The following INPP4B variants were observed in gnomAD, a reference collection of about 807,000 sequenced individuals.
INPP4B encodes the protein inositol polyphosphate-4-phosphatase type II B, also known as inositol polyphosphate 4-phosphatase type II.
Under a neutral mutation model 122.5 loss-of-function variants are expected in INPP4B, and 55 were observed. That is an observed-to-expected ratio of 0.45 (90% confidence interval 0.36 to 0.56). INPP4B has a LOEUF of 0.56. INPP4B is among the 20% of genes least tolerant of loss of function. The pLI is 0.00. For synonymous variants in INPP4B, 403 were observed against 388.7 expected (o/e 1.04, Z -0.43); for missense variants, 1,000 against 1,097.7 (o/e 0.91, Z 1.26).
chr4:142,216,255 A>T (rs1847211883), intron 12 of INPP4B, among the ~76,000 whole-genome samples: 1 of 152,162 alleles, frequency 6.6e-6, no homozygotes, highest in Non-Finnish European at 1.5e-5. Flanking sequence ...CAAATCTTCT[A>T]ACCTGTCTCT....
chr4:142,088,268 C>A (rs1161520287), intron 23 of INPP4B, among the ~76,000 whole-genome samples: 4 of 152,136 alleles, frequency 2.6e-5, no homozygotes, highest in Admixed American at 6.6e-5. Flanking sequence ...AATAAGGTTG[C>A]TTTTTAATTT....
At chr4:142,313,412 GA>G (rs1290059523) in intron 8 of INPP4B, among the ~76,000 whole-genome samples, 1 of 152,202 alleles carries the variant, frequency 6.6e-6, no homozygotes. Context: ...CACATTTTAT[GA>G]AGCAGTGCCA....
chr4:142,497,381 A>G lies in INPP4B; in HGVS notation c.-190-34655T>C, dbSNP rs531475499. 2.6e-5 allele frequency among the ~76,000 whole-genome samples: 4 copies of G among 152,312 alleles called. No homozygotes were observed. The East Asian group carries it at 7.7e-4, about 29-fold the overall frequency. On this transcript the variant is annotated intron_variant, in intron 2 of 25. Coordinates refer to ENST00000262992, the MANE Select transcript of INPP4B (RefSeq NM_001101669.3). ...CCAATTTTTAGTCTAATATGTTCCC[A>G]TAACCAAATCATTTTCCCAAAAAAG...
At chr4:142,362,879 T>C (rs1424684751) in intron 7 of INPP4B, among the ~76,000 whole-genome samples, 1 of 151,980 alleles carries the variant, frequency 6.6e-6, no homozygotes, top group Non-Finnish European at 1.5e-5. Context: ...AAACTTCCTA[T>C]TGGTTAGTAC....
At chr4:142,657,669 T>C (rs1754405041) in intron 2 of INPP4B, among the ~76,000 whole-genome samples, 1 of 152,220 alleles carries the variant, frequency 6.6e-6, no homozygotes, top group African/African-American at 2.4e-5. Flanking sequence ...AAAGAAGTGG[T>C]GAAAGAACTG....
At chr4:142,620,534 G>C (rs184767112) in intron 2 of INPP4B, among the ~76,000 whole-genome samples, 1 of 151,836 alleles carries the variant, frequency 6.6e-6, no homozygotes, top group Admixed American at 6.6e-5. Context: ...AGTGAGGATC[G>C]ATAAACTACC....
At chr4:142,597,805 A>G (rs967953691) in intron 2 of INPP4B, among the ~76,000 whole-genome samples, 2 of 152,146 alleles carry the variant, frequency 1.3e-5, no homozygotes, top group African/African-American at 4.8e-5. Context: ...CAACTAAAAT[A>G]CCTCCAAGCT....
chr4:142,728,625 CACAG>C (rs999903584), intron 1 of INPP4B, among the ~76,000 whole-genome samples: 5 of 152,236 alleles, frequency 3.3e-5, no homozygotes, highest in South Asian at 4.2e-4. Context: ...CAAAGACACA[CACAG>C]ACAGAGTGCC....
intron 7 of INPP4B, among the ~76,000 whole-genome samples, chr4:142,398,392 AAAAAAAAAAATATAT>A (rs1386746744): frequency 4.6e-4 from 13 of 28,074 alleles, no homozygotes; most frequent in African/African-American, 1.5e-3. Flanking sequence ...AAAAAAAAAA[AAAAAAAAAAATATAT>A]ATATATATAT....
At chr4:142,294,829 CAAAAAAAAAAAAA>C (rs57430432) in intron 9 of INPP4B, among the ~76,000 whole-genome samples, 1 of 28,462 alleles carries the variant, frequency 3.5e-5, no homozygotes, top group South Asian at 2.7e-3. Flanking sequence ...GACTCCGTCT[CAAAAAAAAAAAAA>C]AAAAAAAAAA....
At chr4:142,650,052 G>A (rs1752616141) in intron 2 of INPP4B, among the ~76,000 whole-genome samples, 1 of 152,148 alleles carries the variant, frequency 6.6e-6, no homozygotes, top group South Asian at 2.1e-4. Flanking sequence ...ATAGAGTGGG[G>A]GCTAATATTC....
intron 9 of INPP4B, among the ~76,000 whole-genome samples, chr4:142,290,378 T>C (rs990594034): frequency 1.2e-4 from 18 of 151,838 alleles, no homozygotes; most frequent in African/African-American, 4.4e-4. Context: ...GGCTTTCTTT[T>C]TGTAGTTTTA....
chr4:142,046,570 G>A (rs1000526319), intron 25 of INPP4B, among the ~76,000 whole-genome samples: 1 of 152,082 alleles, frequency 6.6e-6, no homozygotes, highest in Non-Finnish European at 1.5e-5. Flanking sequence ...CAGGGACTGT[G>A]AATAATCCAA....
intron 2 of INPP4B, among the ~76,000 whole-genome samples, chr4:142,615,232 G>C (rs537433639): frequency 2.0e-5 from 3 of 152,128 alleles, no homozygotes; most frequent in Non-Finnish European, 4.4e-5. Flanking sequence ...GCAGAAGTTA[G>C]ACTGCACTTT....
At chr4:142,203,940 T>C (rs537794466) in intron 14 of INPP4B, among the ~76,000 whole-genome samples, 1 of 152,078 alleles carries the variant, frequency 6.6e-6, no homozygotes, top group Non-Finnish European at 1.5e-5. Context: ...ATAATTCAGC[T>C]AAACATTCAA....
intron 1 of INPP4B, among the ~76,000 whole-genome samples, chr4:142,799,199 C>A (rs1777677081): frequency 6.6e-6 from 1 of 151,876 alleles, no homozygotes; most frequent in African/African-American, 2.4e-5. Context: ...ACTTATACAA[C>A]CCCTTGTTCT....
intron 6 of INPP4B, among the ~76,000 whole-genome samples, chr4:142,404,614 A>C (rs1802709711): frequency 6.6e-6 from 1 of 152,206 alleles, no homozygotes; most frequent in Admixed American, 6.5e-5. Flanking sequence ...CTGATGAGTA[A>C]TATTTATACT....
Position 142,682,997 on chromosome 4 carries a change from G to A in INPP4B, c.-191+42842C>T, listed in dbSNP as rs186477061. On this transcript the variant is annotated intron_variant, in intron 2 of 25. Transcript: ENST00000262992. ...TGAATGGACAGTCTCAAAAAGATGTGTCTCTTAGTATTTGAGATAGATGAT... is the reference window on the plus strand; with the variant it reads ...TGAATGGACAGTCTCAAAAAGATGTATCTCTTAGTATTTGAGATAGATGAT... 3.9e-5 allele frequency among the ~76,000 whole-genome samples: 6 copies of A among 151,920 alleles called. No homozygotes were observed. The East Asian group carries it at 1.2e-3, about 30-fold the overall frequency.
At chr4:142,477,103 T>A (rs543095645) in intron 2 of INPP4B, among the ~76,000 whole-genome samples, 33 of 152,268 alleles carry the variant, frequency 2.2e-4, no homozygotes, top group African/African-American at 7.7e-4. Context: ...CACACTCTTG[T>A]ACCACTGCAC....
Sources: allele counts gnomAD v4.1 joint callset (sites outside exome capture counted in the v4.1 genomes callset), GRCh38; gene constraint gnomAD v4.1.1; transcripts MANE v1.5; gene names NCBI Gene and HGNC (gene_info 2026-07-23, HGNC 2026-07-21).